The following VPS41 variants were observed in gnomAD, a reference collection of about 807,000 sequenced individuals.
VPS41 encodes the protein vacuolar protein sorting-associated protein 41 homolog.
Under a neutral mutation model 130.9 loss-of-function variants are expected in VPS41, and 85 were observed. The ratio of observed to expected loss-of-function variants is 0.65; its 90% confidence interval spans 0.55 to 0.78. VPS41 has a LOEUF of 0.78. Ranked by LOEUF, VPS41 falls within the 30% of genes least tolerant of loss-of-function variation. The pLI is 0.00. For missense variants in VPS41, 874 were observed against 1,018.7 expected (o/e 0.86, Z 1.93); for synonymous variants, 335 against 332.9 (o/e 1.01, Z -0.07).
At chr7:38,745,197 G>A (rs1362774693) in intron 23 of VPS41, among the ~76,000 whole-genome samples, 1 of 152,130 alleles carries the variant, frequency 6.6e-6, no homozygotes. Context: ...TTTAGGGTGT[G>A]ATTTCTAAAA....
At chr7:38,847,309 G>A (rs1785747530) in intron 4 of VPS41, among the ~76,000 whole-genome samples, 1 of 151,910 alleles carries the variant, frequency 6.6e-6, no homozygotes, top group Non-Finnish European at 1.5e-5. Flanking sequence ...AAAAAATACA[G>A]CATCCTCTAG....
intron 7 of VPS41, among the ~76,000 whole-genome samples, chr7:38,800,804 C>A (rs1169500697): frequency 6.6e-6 from 1 of 151,876 alleles, no homozygotes; most frequent in Admixed American, 6.6e-5. Flanking sequence ...CCATTGCACT[C>A]CAGCCTGGGC....
chr7:38,812,507 C>T (rs142369709), intron 7 of VPS41, among the ~76,000 whole-genome samples: 349 of 152,126 alleles, frequency 2.3e-3, no homozygotes, highest in African/African-American at 7.8e-3. Flanking sequence ...AGATACAACA[C>T]CAATAGCACA....
intron 4 of VPS41, among the ~76,000 whole-genome samples, chr7:38,849,209 C>T (rs1785795312): frequency 6.6e-6 from 1 of 152,100 alleles, no homozygotes; most frequent in Non-Finnish European, 1.5e-5. Context: ...CTGCTCAAAC[C>T]CCTAGGAGGA....
intron 7 of VPS41, among the ~76,000 whole-genome samples, chr7:38,817,055 T>C (rs1350524323): frequency 1.3e-5 from 2 of 152,170 alleles, no homozygotes; most frequent in African/African-American, 4.8e-5. Context: ...CAATCTCTTA[T>C]TTTTTAAATA....
chr7:38,823,537 C>T (rs1406310586), intron 5 of VPS41, among the ~76,000 whole-genome samples: 1 of 152,180 alleles, frequency 6.6e-6, no homozygotes, highest in Non-Finnish European at 1.5e-5. Flanking sequence ...TATAGGACTA[C>T]TTAAACTTTC....
At chr7:38,751,610 T>C (rs1431514615) in intron 22 of VPS41, among the ~76,000 whole-genome samples, 1 of 152,182 alleles carries the variant, frequency 6.6e-6, no homozygotes, top group African/African-American at 2.4e-5. Flanking sequence ...TTTACCAAAA[T>C]GAGTAAGACA....
intron 11 of VPS41, 24 bp from the exon 12 acceptor site, chr7:38,774,268 A>T: frequency 6.4e-7 from 1 of 1,552,342 alleles, no homozygotes; most frequent in Non-Finnish European, 8.7e-7. Context: ...AGAGAGAAAC[A>T]TTAATTTAAA....
intron 6 of VPS41, among the ~76,000 whole-genome samples, chr7:38,819,096 AT>A (rs1785116022): frequency 6.6e-6 from 1 of 152,202 alleles, no homozygotes; most frequent in South Asian, 2.1e-4. Flanking sequence ...TCAGGGACTG[AT>A]TCCAAACATC....
intron 25 of VPS41, among the ~76,000 whole-genome samples, chr7:38,738,942 GA>G (rs1795827082): frequency 6.6e-6 from 1 of 152,214 alleles, no homozygotes; most frequent in Non-Finnish European, 1.5e-5. Flanking sequence ...CGGTTGAAGA[GA>G]GCTGTTACAT....
intron 2 of VPS41, among the ~76,000 whole-genome samples, chr7:38,888,370 T>A (rs1786781880): frequency 6.6e-6 from 1 of 152,110 alleles, no homozygotes; most frequent in Non-Finnish European, 1.5e-5. Flanking sequence ...AAGCAGGGGT[T>A]GCAATCCTGG....
At chr7:38,757,207 A>G (rs1426465426) in intron 18 of VPS41, among the ~76,000 whole-genome samples, 1 of 152,160 alleles carries the variant, frequency 6.6e-6, no homozygotes, top group Non-Finnish European at 1.5e-5. Flanking sequence ...ATTTAAGAAA[A>G]TTCACAATAT....
At position 38,752,303 on chromosome 7, in the gene VPS41, T is replaced by C. The variant is rs369128832; in HGVS notation, c.1799A>G (p.Lys600Arg). ...RPELQHVYLHKLFKRDHHKGQ... is the reference protein window; with the variant it reads ...RPELQHVYLHRLFKRDHHKGQ... ...CTTATGGTGGTCTCTCTTGAAAAGC[T>C]TATGCAAATACTAAAAGGAACAAAA... The change falls in exon 22 of 29, where the codon AAG (lysine) becomes AGG (arginine). Residue 600 changes from lysine to arginine, a missense_variant. By Grantham distance (26) the Lys-to-Arg change is conservative. Coordinates refer to ENST00000310301, the MANE Select transcript of VPS41 (RefSeq NM_014396.4). 1.3e-5 allele frequency: 21 copies of C among 1,613,660 alleles called. No homozygotes were observed. Among genetic ancestry groups the C allele is most frequent in the Non-Finnish European group, 1.5e-5 (18 of 1,179,792 alleles).
At chr7:38,765,286 G>C (rs754225712) in intron 16 of VPS41, among the ~76,000 whole-genome samples, 12 of 151,962 alleles carry the variant, frequency 7.9e-5, no homozygotes, top group East Asian at 1.9e-4. Flanking sequence ...TACTGGATGA[G>C]ATTACACCTA....
chr7:38,780,774 G>A (rs1045458642), intron 10 of VPS41, among the ~76,000 whole-genome samples: 1 of 152,164 alleles, frequency 6.6e-6, no homozygotes, highest in Non-Finnish European at 1.5e-5. Flanking sequence ...AGTGTTGGAC[G>A]AGGGGCCTGG....
intron 12 of VPS41, 90 bp from the exon 13 acceptor site, chr7:38,772,727 C>G (rs566047956): frequency 2.0e-5 from 15 of 752,776 alleles, no homozygotes; most frequent in Non-Finnish European, 3.3e-5. Flanking sequence ...GTTACCCAAC[C>G]CAAGAGCGAA....
chr7:38,796,976 C>T lies in VPS41; in HGVS notation c.451-112G>A, dbSNP rs547848323. 1,297 of 1,247,970 alleles carry T rather than the reference C, an allele frequency of 1.0e-3. 3 individuals are homozygous for T. Among genetic ancestry groups the T allele is most frequent in the South Asian group, 2.5e-3 (192 of 75,814 alleles). The allele number at this position is 1,247,970 out of a possible 1,614,324, so 77.3% of individuals were successfully genotyped here. The stretch of plus-strand genomic sequence containing the variant: ...GACCAAATAACAAACAAGTCACTCT[C>T]GACGTCTTTAATGTAGACTTACAGT... On this transcript the variant is annotated intron_variant, in intron 7 of 28. Coordinates refer to ENST00000310301, the MANE Select transcript of VPS41 (RefSeq NM_014396.4).
intron 22 of VPS41, 80 bp downstream of exon 22, chr7:38,752,096 A>G: frequency 6.3e-7 from 1 of 1,575,296 alleles, no homozygotes; most frequent in Non-Finnish European, 8.7e-7. Flanking sequence ...CAGAGATAGA[A>G]AGAGAAGAAA....
At chr7:38,889,669 A>C (rs1345096411) in intron 2 of VPS41, among the ~76,000 whole-genome samples, 1 of 152,140 alleles carries the variant, frequency 6.6e-6, no homozygotes, top group Non-Finnish European at 1.5e-5. Context: ...CCTATCCTTA[A>C]AGAGTGGCTA....
Sources: allele counts gnomAD v4.1 joint callset (sites outside exome capture counted in the v4.1 genomes callset), GRCh38; gene constraint gnomAD v4.1.1; transcripts MANE v1.5; gene names NCBI Gene and HGNC (gene_info 2026-07-23, HGNC 2026-07-21).